Variants in TNS3 observed in about 807,000 individuals in gnomAD.
TNS3 encodes the protein tensin-3.
A neutral mutation model predicts 140.9 loss-of-function variants in TNS3; 45 were observed. That is an observed-to-expected ratio of 0.32 (90% CI 0.25 to 0.41). The LOEUF (loss-of-function observed/expected upper bound fraction) is 0.41. Ranked by LOEUF, TNS3 falls within the 10% of genes least tolerant of loss-of-function variation. The pLI is 1.00. For synonymous variants in TNS3, 815 were observed against 788.4 expected (o/e 1.03, Z -0.56); for missense variants, 1,716 against 1,906.7 (o/e 0.90, Z 1.86).
rs138292782 is a variant in TNS3 at position 47,419,927 on chromosome 7, T to C, written c.473+4174A>G. ...TTTGAAAAACCCTAGCCTCCAAATTTTCCAGGGGGCTGATTTGGGTAGTAA... is the reference window on the plus strand; with the variant it reads ...TTTGAAAAACCCTAGCCTCCAAATTCTCCAGGGGGCTGATTTGGGTAGTAA... On this transcript the variant is annotated intron_variant, in intron 10 of 30. Transcript: ENST00000311160. 3.5e-3 allele frequency among the ~76,000 whole-genome samples: 540 copies of C among 152,276 alleles called. 2 individuals are homozygous for C. Among genetic ancestry groups the C allele is most frequent in the African/African-American group, 0.012 (509 of 41,556 alleles).
chr7:47,288,931 C>A (rs915579806), intron 27 of TNS3, among the ~76,000 whole-genome samples: 8 of 152,234 alleles, frequency 5.3e-5, no homozygotes, highest in African/African-American at 1.9e-4. Context: ...GCCGGAAACC[C>A]ATGACCACAG....
At chr7:47,331,499 T>C (rs896364773) in intron 20 of TNS3, among the ~76,000 whole-genome samples, 1 of 152,152 alleles carries the variant, frequency 6.6e-6, no homozygotes, top group Non-Finnish European at 1.5e-5. Flanking sequence ...CTCATGCTCC[T>C]CTGGAAAAAT....
At position 47,280,339 on chromosome 7, in the gene TNS3, C is replaced by G; in HGVS notation, c.4113G>C (p.Arg1371Ser). The G allele has an allele frequency of 1.2e-6, 2 of 1,614,118 alleles. No homozygotes were observed. The highest frequency in any genetic ancestry group is 1.7e-6 in the Non-Finnish European group (2 of 1,180,036). Residue 1371 changes from arginine to serine, a missense_variant, in exon 29 of 31, where the codon AGG becomes AGC. Arg to Ser is a moderately radical substitution (Grantham distance 110, BLOSUM62 -1). This residue lies in a region of TNS3 where 216 missense variants were observed against 295.7 expected (regional missense o/e 0.73). Transcript: ENST00000311160. ...TDNQRKLFFR[R>S]HYPVNSVIFC... ...AAATCACACTGTTCACGGGGTAATG[C>G]CTCCGGAAGAAGAGCCTGTTGGGAC...
chr7:47,560,185 G>T (rs183667430), intron 1 of TNS3, among the ~76,000 whole-genome samples: 1 of 152,032 alleles, frequency 6.6e-6, no homozygotes, highest in Admixed American at 6.6e-5. Context: ...TGGGGCCTCA[G>T]GAAGGTGGTT....
At chr7:47,307,473 TTTGGGTGA>T (rs1172802842) in intron 20 of TNS3, among the ~76,000 whole-genome samples, 3 of 152,194 alleles carry the variant, frequency 2.0e-5, no homozygotes, top group African/African-American at 7.2e-5. Context: ...TTTAGACACT[TTTGGGTGA>T]ATACCTAGGG....
At chr7:47,436,964 G>A (rs1286799689) in intron 7 of TNS3, among the ~76,000 whole-genome samples, 1 of 152,074 alleles carries the variant, frequency 6.6e-6, no homozygotes, top group Non-Finnish European at 1.5e-5. Context: ...AGTGAGGTCC[G>A]TGGACTATAC....
intron 1 of TNS3, among the ~76,000 whole-genome samples, chr7:47,544,897 C>G (rs1799879488): frequency 6.6e-6 from 1 of 151,818 alleles, no homozygotes; most frequent in Non-Finnish European, 1.5e-5. Context: ...CCACTCCTTG[C>G]CAAGCATTTC....
chr7:47,563,359 C>T (rs1200383194), intron 1 of TNS3, among the ~76,000 whole-genome samples: 1 of 152,224 alleles, frequency 6.6e-6, no homozygotes, highest in Non-Finnish European at 1.5e-5. Flanking sequence ...CCTGGGTGCT[C>T]ACTCTGAAAG....
At chr7:47,481,189 A>C in intron 3 of TNS3, 48 bp from the exon 4 acceptor site, 2 of 1,271,650 alleles carry the variant, frequency 1.6e-6, no homozygotes. Flanking sequence ...CTCCAGGAAA[A>C]AATTAGCATA....
Position 47,278,003 on chromosome 7 carries a change from G to A in TNS3, c.*73C>T. 1 of 1,599,932 alleles carries A rather than the reference G, an allele frequency of 6.3e-7. No homozygotes were observed. On this transcript the variant is annotated 3_prime_UTR_variant, in exon 31 of 31. Coordinates refer to ENST00000311160, the MANE Select transcript of TNS3 (RefSeq NM_022748.12). Reference sequence around the variant, plus strand: ...TTTACTAGTTTGGTAAAAAGTGGGGGCCCCACCCTCACCCAACGGCTGTCT... The same window carrying A: ...TTTACTAGTTTGGTAAAAAGTGGGGACCCCACCCTCACCCAACGGCTGTCT...
chr7:47,425,318 AAAC>A (rs367840444), intron 9 of TNS3, among the ~76,000 whole-genome samples: 174 of 152,016 alleles, frequency 1.1e-3, no homozygotes, highest in Admixed American at 3.3e-3. Context: ...CTCCATCTCA[AAAC>A]AACAACAACA....
chr7:47,564,171 G>A (rs1328119021), intron 1 of TNS3, among the ~76,000 whole-genome samples: 1 of 141,938 alleles, frequency 7.0e-6, no homozygotes, highest in African/African-American at 2.6e-5. Flanking sequence ...TGCAGCCTGG[G>A]TGACAGAGCG....
Position 47,468,442 on chromosome 7 carries a change from A to AAAATAAATAAAT in TNS3, c.-76+12649_-76+12660dup, listed in dbSNP as rs58936286. On this transcript the variant is annotated intron_variant, in intron 4 of 30. Transcript: ENST00000311160. ...AGCAACAGGGCAAGAATCTGTCTCAAAAATAAATAAATAAATAAATAAAAT... is the reference window on the plus strand; with the variant it reads ...AGCAACAGGGCAAGAATCTGTCTCAAAAATAAATAAATAAATAAATAAATAAATAAATAAAAT... 2.9e-3 allele frequency among the ~76,000 whole-genome samples: 442 copies of AAAATAAATAAAT among 151,114 alleles called. 2 individuals carry two copies. The highest frequency in any genetic ancestry group is 8.4e-3 in the African/African-American group (342 of 40,722).
intron 10 of TNS3, among the ~76,000 whole-genome samples, chr7:47,418,378 A>C (rs905245776): frequency 6.6e-6 from 1 of 152,204 alleles, no homozygotes; most frequent in Non-Finnish European, 1.5e-5. Flanking sequence ...CTGACTATGG[A>C]AAGGATCAAC....
chr7:47,496,501 G>A (rs1038824002), intron 3 of TNS3, among the ~76,000 whole-genome samples: 13 of 152,178 alleles, frequency 8.5e-5, no homozygotes, highest in Non-Finnish European at 1.6e-4. Flanking sequence ...TTCACCAGGG[G>A]AATCAGCAGA....
chr7:47,280,856 T>C (rs1785108085), intron 28 of TNS3, among the ~76,000 whole-genome samples: 3 of 151,236 alleles, frequency 2.0e-5, no homozygotes, highest in Admixed American at 1.3e-4. Context: ...GAGGTTGCAG[T>C]GGGCTGAGAT....
At chr7:47,556,092 T>C (rs868328418) in intron 1 of TNS3, among the ~76,000 whole-genome samples, 118 of 152,140 alleles carry the variant, frequency 7.8e-4, no homozygotes, top group African/African-American at 2.6e-3. Flanking sequence ...CATACACACA[T>C]ACGCATATAA....
intron 20 of TNS3, among the ~76,000 whole-genome samples, chr7:47,329,591 G>C (rs1788218918): frequency 6.6e-6 from 1 of 152,194 alleles, no homozygotes. Flanking sequence ...GTCTGAGTAG[G>C]CATTTCCTCC....
chr7:47,430,165 G>A (rs944565812), intron 8 of TNS3, among the ~76,000 whole-genome samples: 12 of 139,556 alleles, frequency 8.6e-5, no homozygotes, highest in African/African-American at 3.2e-4. Context: ...TTTCGCTCTT[G>A]TTGCCCAGGC....
Sources: allele counts gnomAD v4.1 joint callset (sites outside exome capture counted in the v4.1 genomes callset), GRCh38; gene constraint gnomAD v4.1.1; regional missense constraint gnomAD v4.1.1; transcripts MANE v1.5; gene names NCBI Gene and HGNC (gene_info 2026-07-23, HGNC 2026-07-21).